RIC3: variants seen among roughly 807,000 people sequenced by gnomAD.
RIC3 encodes the protein RIC3 acetylcholine receptor chaperone, also known as protein RIC-3.
A neutral mutation model predicts 27.3 loss-of-function variants in RIC3; 28 were observed. The ratio of observed to expected loss-of-function variants is 1.02; its 90% CI spans 0.76 to 1.41. RIC3 has a LOEUF of 1.41. Among genes scored for constraint, RIC3 ranks in the 40% most tolerant of loss-of-function variants. The pLI is 0.00. For missense variants in RIC3, 501 were observed against 444.7 expected, an observed-to-expected ratio of 1.13 and a Z score of -1.14; for synonymous variants, 184 against 160.4, an observed-to-expected ratio of 1.15 and a Z score of -1.11.
chr11:8,142,031 G>A (rs1201106956), intron 1 of RIC3, among the ~76,000 whole-genome samples: 2 of 150,672 alleles, frequency 1.3e-5, no homozygotes, highest in Admixed American at 1.3e-4. Flanking sequence ...AAAGCAGTGT[G>A]TAGAGGGAAA....
the RIC3 span, chr11:8,095,744 C>G: frequency 3.5e-4 from 513 of 1,451,006 alleles, no homozygotes; most frequent in Non-Finnish European, 4.4e-4. Context: ...GGGAGCATGG[C>G]CTTCCTGTGT....
At chr11:8,165,713 C>A (rs1391744237) in intron 1 of RIC3, among the ~76,000 whole-genome samples, 39 of 134,770 alleles carry the variant, frequency 2.9e-4, no homozygotes, top group Non-Finnish European at 2.7e-4. Context: ...AAGCTGTTAT[C>A]AAAAAAAAAA....
At chr11:8,140,520 T>A (rs544485642) in intron 1 of RIC3, among the ~76,000 whole-genome samples, 1 of 152,204 alleles carries the variant, frequency 6.6e-6, no homozygotes. Context: ...GCCTGGTCTA[T>A]AAAATCTCCC....
chr11:8,133,144 G>T (rs984915859), intron 4 of RIC3, among the ~76,000 whole-genome samples: 1 of 152,114 alleles, frequency 6.6e-6, no homozygotes, highest in Non-Finnish European at 1.5e-5. Context: ...AAAGTGGGCT[G>T]GCCTCTGGTG....
Position 8,110,418 on chromosome 11 carries a change from A to T in RIC3, c.*280T>A, listed in dbSNP as rs1163652386. On this transcript the variant is annotated 3_prime_UTR_variant, in exon 6 of 6. Coordinates refer to ENST00000309737, the MANE Select transcript of RIC3 (RefSeq NM_001206671.4). ...CCTGAGTGGTCCCATCTGTAATTAC[A>T]ATAGACCAAACATAATTACTTAATG... 15 of 510,426 alleles carry T rather than the reference A, an allele frequency of 2.9e-5. No homozygotes were observed. Among genetic ancestry groups the T allele is most frequent in the Non-Finnish European group, 2.5e-5 (7 of 279,840 alleles). The allele number at this position is 510,426 out of a possible 1,614,324, so 31.6% of individuals were successfully genotyped here.
At chr11:8,115,271 G>A (rs965107846) in intron 5 of RIC3, among the ~76,000 whole-genome samples, 6 of 150,306 alleles carry the variant, frequency 4.0e-5, no homozygotes, top group African/African-American at 1.5e-4. Flanking sequence ...AGAAAAGAGT[G>A]GGATAATATA....
Position 8,164,588 on chromosome 11 carries a change from A to C in RIC3, c.124+4278T>G, listed in dbSNP as rs561519553. Among the ~76,000 whole-genome samples the C allele has an allele frequency of 4.0e-4, 61 of 152,024 alleles. 1 individual carries two copies. The highest frequency in any genetic ancestry group is 1.4e-3 in the African/African-American group (59 of 41,482). ...GCCAGAAGTTCAAGACCAGCCTGGGAAATATAGTGAGAGCCTCATTTCTGC... is the reference window on the plus strand; with the variant it reads ...GCCAGAAGTTCAAGACCAGCCTGGGCAATATAGTGAGAGCCTCATTTCTGC... On this transcript the variant is annotated intron_variant, in intron 1 of 5. Coordinates refer to ENST00000309737, the MANE Select transcript of RIC3 (RefSeq NM_001206671.4).
chr11:8,101,777 C>G, downstream of RIC3: 1 of 1,311,828 alleles, frequency 7.6e-7, no homozygotes. Context: ...GAACTGGCTC[C>G]TTTGCCTCTG....
At chr11:8,100,764 C>T in the RIC3 span, 2 of 1,598,736 alleles carry the variant, frequency 1.3e-6, no homozygotes, top group Non-Finnish European at 1.7e-6. Context: ...GGATAGATCC[C>T]TTTCTGGGGT....
At chr11:8,130,767 G>T (rs770959154) in intron 4 of RIC3, among the ~76,000 whole-genome samples, 2 of 43,058 alleles carry the variant, frequency 4.6e-5, no homozygotes, top group African/African-American at 5.2e-4. Flanking sequence ...TGTGTGTTGT[G>T]GGGGGGAGAG....
chr11:8,104,579 A>T (rs917383297), downstream of RIC3: 1 of 152,184 alleles, frequency 6.6e-6, no homozygotes, highest in African/African-American at 2.4e-5. Flanking sequence ...TTGTCCATTC[A>T]TCTCATGCTC....
Position 8,137,469 on chromosome 11 carries a change from T to C in RIC3, c.430A>G (p.Ser144Gly), listed in dbSNP as rs773208794. The change falls in exon 4 of 6, where the codon AGT becomes GGT. Residue 144 changes from serine (S) to glycine (G), a missense_variant and splice_region_variant. Ser to Gly is a moderately conservative substitution (Grantham distance 56). Transcript: ENST00000309737. Reference protein sequence around the residue: ...MPGNTHRKITSFELAQLQEKL... With the variant: ...MPGNTHRKITGFELAQLQEKL... Reference sequence around the variant, plus strand: ...TCTTGCAGTTGAGCAAGCTCAAAACTGGCTAAAAAATAAGCAACAATCTAA... The same window carrying C: ...TCTTGCAGTTGAGCAAGCTCAAAACCGGCTAAAAAATAAGCAACAATCTAA... The C allele has an allele frequency of 6.2e-7, 1 of 1,613,664 alleles. No homozygotes were observed. The highest frequency in any genetic ancestry group is 1.7e-5 in the Admixed American group (1 of 59,988).
In RIC3 at chr11:8,106,362, AAG is replaced by A; in HGVS notation, c.*4334_*4335del. On this transcript the variant is annotated 3_prime_UTR_variant, in exon 6 of 6. Coordinates refer to ENST00000309737, the MANE Select transcript of RIC3 (RefSeq NM_001206671.4). ...GGTGGGTAAGTAGGTGATAATAGCAAAGAGATCATAACCTCACCAATGACATG... is the reference window on the plus strand; with the variant it reads ...GGTGGGTAAGTAGGTGATAATAGCAAAGATCATAACCTCACCAATGACATG... 1 of 152,340 alleles carries A rather than the reference AAG, an allele frequency of 6.6e-6. No homozygotes were observed. Among genetic ancestry groups the A allele is most frequent in the African/African-American group, 2.4e-5 (1 of 41,576 alleles). 9.4% of individuals were successfully genotyped at this position (152,340 alleles called of 1,614,324 possible). A position where few individuals can be genotyped will look rare whatever the true frequency, so the allele number is the denominator to read the frequency against.
At chr11:8,149,472 T>C (rs1950030287) in intron 1 of RIC3, among the ~76,000 whole-genome samples, 4 of 152,084 alleles carry the variant, frequency 2.6e-5, no homozygotes, top group East Asian at 1.9e-4. Flanking sequence ...ACAGTGGACC[T>C]TGATGAGAAG....
chr11:8,163,484 A>T (rs993958926), intron 1 of RIC3, among the ~76,000 whole-genome samples: 23 of 148,954 alleles, frequency 1.5e-4, no homozygotes, highest in African/African-American at 3.4e-4. Flanking sequence ...CATTCAGATT[A>T]AAAAAAAAAG....
At chr11:8,139,331 AG>A in intron 2 of RIC3, 1 of 153,672 alleles carries the variant, frequency 6.5e-6, no homozygotes, top group Non-Finnish European at 1.4e-5. Flanking sequence ...TACAGGGGCC[AG>A]GGGCCTGCAA....
chr11:8,150,377 T>C (rs186941816), intron 1 of RIC3, among the ~76,000 whole-genome samples: 99 of 152,244 alleles, frequency 6.5e-4, no homozygotes, highest in Middle Eastern at 3.4e-3. Context: ...CATGGAGGAG[T>C]TGTCAGAAAA....
intron 5 of RIC3, among the ~76,000 whole-genome samples, chr11:8,116,757 A>G (rs997863046): frequency 1.1e-4 from 17 of 152,230 alleles, no homozygotes; most frequent in African/African-American, 2.9e-4. Flanking sequence ...AAAGGCAATA[A>G]TAAGTGTCAG....
chr11:8,097,594 T>C, the RIC3 span: 3 of 1,293,736 alleles, frequency 2.3e-6, no homozygotes, highest in Admixed American at 5.4e-5. Flanking sequence ...TGCATTTGTG[T>C]GTGTGCACAT....
Sources: gnomAD v4.1 joint callset for allele counts (sites outside exome capture counted in the v4.1 genomes callset) on GRCh38, gnomAD v4.1.1 for gene constraint, MANE v1.5 for transcripts, NCBI Gene and HGNC (gene_info 2026-07-23, HGNC 2026-07-21) for gene names.